The following COL4A3 variants were observed in gnomAD, a reference collection of about 807,000 sequenced individuals.
COL4A3 encodes the protein collagen alpha-3(IV) chain.
In COL4A3, 135 loss-of-function variants were observed where a neutral mutation model predicts 217.4. The ratio of observed to expected loss-of-function variants is 0.62; its 90% CI spans 0.54 to 0.72. The LOEUF is 0.72. Ranked by LOEUF, COL4A3 falls within the 30% of genes least tolerant of loss-of-function variation. The pLI is 0.00. For synonymous variants in COL4A3, 690 were observed against 736.3 expected, an observed-to-expected ratio of 0.94 and a Z score of 1.02; for missense variants, 1,868 against 2,119.9, an observed-to-expected ratio of 0.88 and a Z score of 2.33.
chr2:227,204,501 C>T (rs1229894463), intron 1 of COL4A3, among the ~76,000 whole-genome samples: 2 of 152,204 alleles, frequency 1.3e-5, no homozygotes, highest in African/African-American at 2.4e-5. Context: ...CAGGGTTAGA[C>T]TCCACCATAT....
chr2:227,186,443 G>A (rs2066035864), intron 1 of COL4A3, among the ~76,000 whole-genome samples: 1 of 152,176 alleles, frequency 6.6e-6, no homozygotes, highest in South Asian at 2.1e-4. Context: ...CATCATCTCT[G>A]CTCTCCCGAG....
chr2:227,208,516 G>T (rs13391788), intron 1 of COL4A3, among the ~76,000 whole-genome samples: 8,440 of 151,770 alleles, frequency 0.056, 302 homozygotes, highest in Middle Eastern at 0.11. Context: ...ACCTAACTCC[G>T]ACCCATGAAG....
At chr2:227,254,541 G>A in intron 14 of COL4A3, 115 bp from the exon 15 acceptor site, 1 of 852,002 alleles carries the variant, frequency 1.2e-6, no homozygotes, top group Admixed American at 1.7e-5. Flanking sequence ...AGATGGCTCA[G>A]CACTGAAACA....
intron 1 of COL4A3, among the ~76,000 whole-genome samples, chr2:227,211,398 G>A (rs1314968091): frequency 1.3e-5 from 2 of 152,146 alleles, no homozygotes; most frequent in Non-Finnish European, 2.9e-5. Flanking sequence ...GGCATGCATG[G>A]GGTTTCTCAG....
chr2:227,276,448 CT>C lies in COL4A3; in HGVS notation c.1992del (p.Gly665AlafsTer82), dbSNP rs751677704. 2.6e-5 allele frequency: 42 copies of C among 1,614,040 alleles called. No homozygotes were observed. Among genetic ancestry groups the C allele is most frequent in the Non-Finnish European group, 2.0e-5 (24 of 1,179,996 alleles). On this transcript the variant is annotated frameshift_variant, in exon 27 of 52. Coordinates refer to ENST00000396578, the MANE Select transcript of COL4A3 (RefSeq NM_000091.5). LOFTEE classifies it high-confidence loss of function. ...GGCCCACCAGGACCTCCAGGGCCCCCTGGCCATCCTGGCCCCCAAGGTCCAC... is the reference window on the plus strand; with the variant it reads ...GGCCCACCAGGACCTCCAGGGCCCCCGGCCATCCTGGCCCCCAAGGTCCAC... ...VPGPPGPPGP[P>X]GHPGPQGPPG... is the part of the protein sequence containing the mutation.
Position 227,263,869 on chromosome 2 carries a change from A to G in COL4A3, c.1240A>G (p.Met414Val). 1 of 1,614,094 alleles carries G rather than the reference A, an allele frequency of 6.2e-7. No homozygotes were observed. The highest frequency in any genetic ancestry group is 8.5e-7 in the Non-Finnish European group (1 of 1,179,934). ...GERGRPGKDA[M>V]GTPGSPGCAG... is the part of the protein sequence containing the mutation. Reference sequence around the variant, plus strand: ...ACGAGGCCGCCCAGGAAAGGATGCCATGGGGACTCCTGGGTCCCCAGGTTG... The same window carrying G: ...ACGAGGCCGCCCAGGAAAGGATGCCGTGGGGACTCCTGGGTCCCCAGGTTG... The change falls in exon 21 of 52, where the codon ATG becomes GTG. Residue 414 changes from methionine to valine, a missense_variant. Physicochemically the swap from Met to Val is conservative, Grantham distance 21. Around this residue, in one of 2 missense-constraint regions of COL4A3, gnomAD observed 1,503 missense variants for 1,786.1 expected, o/e 0.84. Transcript: ENST00000396578.
At chr2:227,178,544 A>AT (rs1485181111) in intron 1 of COL4A3, among the ~76,000 whole-genome samples, 3 of 146,832 alleles carry the variant, frequency 2.0e-5, no homozygotes, top group African/African-American at 7.5e-5. Flanking sequence ...ATTTTATTTT[A>AT]TTTTTTTTGA....
At chr2:227,196,181 A>G (rs1167030537) in intron 1 of COL4A3, among the ~76,000 whole-genome samples, 1 of 152,210 alleles carries the variant, frequency 6.6e-6, no homozygotes. Context: ...TACAGTGTAT[A>G]TAAAGTCTAC....
intron 3 of COL4A3, among the ~76,000 whole-genome samples, chr2:227,241,001 T>G (rs149119502): frequency 6.6e-6 from 1 of 152,318 alleles, no homozygotes; most frequent in African/African-American, 2.4e-5. Flanking sequence ...TTGTCTGTCT[T>G]TCTTTCTGTA....
At chr2:227,293,458 C>T (rs1024664599) in intron 38 of COL4A3, 141 bp downstream of exon 38, 8 of 953,064 alleles carry the variant, frequency 8.4e-6, no homozygotes, top group African/African-American at 3.3e-5. Flanking sequence ...CAAATTCTAA[C>T]ACACTAAGAG....
intron 36 of COL4A3, among the ~76,000 whole-genome samples, chr2:227,290,425 G>A (rs1383423108): frequency 1.3e-5 from 2 of 152,074 alleles, no homozygotes; most frequent in Admixed American, 6.5e-5. Context: ...GCTTGAACCC[G>A]AGAGGTGGAG....
intron 26 of COL4A3, among the ~76,000 whole-genome samples, chr2:227,275,043 C>T (rs2071473805): frequency 6.6e-6 from 1 of 152,222 alleles, no homozygotes; most frequent in Non-Finnish European, 1.5e-5. Context: ...TCTCTGGCTG[C>T]TTTTATGCTA....
chr2:227,203,489 G>GTA lies in COL4A3; in HGVS notation c.88-34475_88-34474dup, dbSNP rs201282268. On this transcript the variant is annotated intron_variant, in intron 1 of 51. Coordinates refer to ENST00000396578, the MANE Select transcript of COL4A3 (RefSeq NM_000091.5). ...TGTATATATGTGTATACATATGTGT[G>GTA]TATATGTGTATATATACATATATGT... is the stretch of plus-strand genomic sequence containing the variant. Among the ~76,000 whole-genome samples, 2 of 35,076 alleles carry GTA rather than the reference G, an allele frequency of 5.7e-5. 1 individual carries two copies. Among genetic ancestry groups the GTA allele is most frequent in the Non-Finnish European group, 1.1e-4 (2 of 17,930 alleles). 23.0% of individuals were successfully genotyped at this position (35,076 alleles called of 152,430 possible). A position where few individuals can be genotyped will look rare whatever the true frequency, so the allele number is the denominator to read the frequency against.
At chr2:227,226,122 A>T (rs1343954057) in intron 1 of COL4A3, among the ~76,000 whole-genome samples, 1 of 152,034 alleles carries the variant, frequency 6.6e-6, no homozygotes, top group Admixed American at 6.6e-5. Context: ...GGGGTGGGTG[A>T]TTGTGTTGGT....
rs568334403 is a variant in COL4A3 at position 227,266,526 on chromosome 2, A to C, written c.1408+17A>C. On this transcript the variant is annotated intron_variant, in intron 22 of 51. Coordinates refer to ENST00000396578, the MANE Select transcript of COL4A3 (RefSeq NM_000091.5). Reference sequence around the variant, plus strand: ...GGCCCAAAGGTTGGTTCAATCAATAATGTTGTATTAGGATAAGCCTTTTTC... The same window carrying C: ...GGCCCAAAGGTTGGTTCAATCAATACTGTTGTATTAGGATAAGCCTTTTTC... 1.3e-6 allele frequency: 2 copies of C among 1,579,944 alleles called. No homozygotes were observed. Among genetic ancestry groups the C allele is most frequent in the Non-Finnish European group, 1.7e-6 (2 of 1,149,634 alleles).
chr2:227,205,466 T>G (rs1205863661), intron 1 of COL4A3, among the ~76,000 whole-genome samples: 1 of 152,172 alleles, frequency 6.6e-6, no homozygotes, highest in African/African-American at 2.4e-5. Flanking sequence ...AGACATACAA[T>G]GCTTCTATAG....
chr2:227,193,910 AAGGAG>A (rs1488520791), intron 1 of COL4A3, among the ~76,000 whole-genome samples: 8 of 59,328 alleles, frequency 1.3e-4, no homozygotes, highest in African/African-American at 3.8e-4. Context: ...AAGGGGAGAG[AAGGAG>A]AGGAGAAGGA....
chr2:227,186,838 T>A (rs1559803809), intron 1 of COL4A3, among the ~76,000 whole-genome samples: 1 of 150,064 alleles, frequency 6.7e-6, no homozygotes, highest in Non-Finnish European at 1.5e-5. Flanking sequence ...TTTCTCACAA[T>A]TCTGGAGGCT....
intron 1 of COL4A3, among the ~76,000 whole-genome samples, chr2:227,165,951 G>T (rs1015004511): frequency 1.1e-4 from 17 of 152,002 alleles, no homozygotes; most frequent in Admixed American, 5.2e-4. Context: ...TCCAAACATT[G>T]TCCATGAATT....
Sources: gnomAD v4.1 joint callset for allele counts (sites outside exome capture counted in the v4.1 genomes callset) on GRCh38, gnomAD v4.1.1 for gene constraint, gnomAD v4.1.1 regional missense constraint, MANE v1.5 for transcripts, NCBI Gene and HGNC (gene_info 2026-07-23, HGNC 2026-07-21) for gene names.